The following ATP10B variants were observed in gnomAD, a reference collection of about 807,000 sequenced individuals.
ATP10B encodes phospholipid-transporting ATPase VB.
ATP10B carries 122 observed loss-of-function variants against 141.2 expected under a neutral mutation model. The observed-to-expected ratio is 0.86, with a 90% CI of 0.75 to 1.00. ATP10B has a LOEUF of 1.00. Ranked by LOEUF, ATP10B falls within the 50% of genes least tolerant of loss-of-function variation. The pLI, the probability that ATP10B is intolerant of heterozygous loss-of-function variation, is 0.00. For missense variants in ATP10B, 1,876 were observed against 1,825.3 expected (o/e 1.03, Z -0.51); for synonymous variants, 685 against 692.0 (o/e 0.99, Z 0.16).
At position 160,726,132 on chromosome 5, in the gene ATP10B, C is replaced by T. The variant is rs528130127; in HGVS notation, c.-330-9098G>A. On this transcript the variant is annotated intron_variant, in intron 2 of 25. Coordinates refer to ENST00000327245, the MANE Select transcript of ATP10B (RefSeq NM_025153.3). ...GCCTAACTCAGGGTGGTGCAAGTTCCATGGCCTCACTAAGACGTTGCTTCA... is the reference window on the plus strand; with the variant it reads ...GCCTAACTCAGGGTGGTGCAAGTTCTATGGCCTCACTAAGACGTTGCTTCA... Among the ~76,000 whole-genome samples, 18 of 152,218 alleles carry T rather than the reference C, an allele frequency of 1.2e-4. 1 individual carries two copies. In the South Asian group the frequency reaches 3.7e-3, roughly 32 times the overall value.
intron 2 of ATP10B, among the ~76,000 whole-genome samples, chr5:160,761,678 C>T (rs568438976): frequency 5.3e-5 from 8 of 152,208 alleles, no homozygotes; most frequent in East Asian, 1.9e-4. Context: ...AACAAGTTTC[C>T]GTAACACTCC....
intron 23 of ATP10B, 42 bp from the exon 24 acceptor site, chr5:160,589,738 G>T: frequency 6.8e-7 from 1 of 1,480,204 alleles, no homozygotes; most frequent in Non-Finnish European, 9.4e-7. Context: ...GTATGTCTGT[G>T]GACTAACTTT....
intron 8 of ATP10B, among the ~76,000 whole-genome samples, chr5:160,647,308 C>G (rs746118397): frequency 5.3e-5 from 8 of 152,104 alleles, no homozygotes; most frequent in Admixed American, 6.5e-5. Flanking sequence ...GGTGCCAGGC[C>G]TGAGGGTGTT....
intron 6 of ATP10B, among the ~76,000 whole-genome samples, chr5:160,680,078 C>T (rs1216622269): frequency 6.6e-6 from 1 of 152,104 alleles, no homozygotes; most frequent in East Asian, 1.9e-4. Context: ...GTCAACAAGG[C>T]TTCTGCTGTT....
At chr5:160,679,711 A>C (rs1239369107) in intron 6 of ATP10B, among the ~76,000 whole-genome samples, 2 of 152,360 alleles carry the variant, frequency 1.3e-5, no homozygotes, top group East Asian at 3.9e-4. Flanking sequence ...CTAAGTCTTG[A>C]ATTAAAATTT....
intron 7 of ATP10B, among the ~76,000 whole-genome samples, chr5:160,658,123 T>A (rs1761635562): frequency 6.6e-6 from 1 of 152,224 alleles, no homozygotes; most frequent in Admixed American, 6.5e-5. Context: ...ATGATCACAA[T>A]GTGTCACCTC....
At chr5:160,818,900 CA>C (rs1485447106) in intron 1 of ATP10B, among the ~76,000 whole-genome samples, 1 of 151,926 alleles carries the variant, frequency 6.6e-6, no homozygotes, top group Non-Finnish European at 1.5e-5. Context: ...ATTTCAAGGA[CA>C]AAAAACCAAA....
chr5:160,612,364 C>G (rs557398650), intron 18 of ATP10B: 1 of 162,186 alleles, frequency 6.2e-6, no homozygotes, highest in African/African-American at 2.4e-5. Flanking sequence ...TAGCTCAGTT[C>G]TAGACTTAGT....
the ATP10B span, among the ~76,000 whole-genome samples, chr5:160,870,988 C>A: frequency 6.6e-6 from 1 of 152,094 alleles, no homozygotes; most frequent in Non-Finnish European, 1.5e-5. Context: ...AATTATTCTT[C>A]AAAAATACAG....
chr5:160,858,613 A>AT, the ATP10B span, among the ~76,000 whole-genome samples: 2 of 151,920 alleles, frequency 1.3e-5, no homozygotes, highest in South Asian at 2.1e-4. Context: ...TAATGTGATT[A>AT]TTAATATGTT....
chr5:160,763,079 A>C (rs1225669696), intron 2 of ATP10B, among the ~76,000 whole-genome samples: 1 of 152,122 alleles, frequency 6.6e-6, no homozygotes, highest in African/African-American at 2.4e-5. Flanking sequence ...CTACTACTAG[A>C]CCTAAGAAAT....
the ATP10B span, among the ~76,000 whole-genome samples, chr5:160,896,840 C>T: frequency 2.6e-5 from 4 of 152,186 alleles, no homozygotes; most frequent in Admixed American, 1.3e-4. Context: ...AAAGCTTATT[C>T]ACCACGATCA....
chr5:160,573,369 G>A (rs1242716088), intron 24 of ATP10B, among the ~76,000 whole-genome samples: 1 of 152,196 alleles, frequency 6.6e-6, no homozygotes, highest in Non-Finnish European at 1.5e-5. Context: ...AAGCCACCCA[G>A]TCTATGGTAT....
intron 2 of ATP10B, among the ~76,000 whole-genome samples, chr5:160,757,752 A>G (rs1418864803): frequency 6.6e-6 from 1 of 152,192 alleles, no homozygotes; most frequent in Non-Finnish European, 1.5e-5. Context: ...GAGACATCTA[A>G]GGGCTAATGC....
At chr5:160,618,192 C>CA (rs1212152940) in intron 15 of ATP10B, among the ~76,000 whole-genome samples, 2 of 152,206 alleles carry the variant, frequency 1.3e-5, no homozygotes, top group Admixed American at 6.5e-5. Context: ...ATCTTTTCAT[C>CA]AAAAGCCTGG....
At chr5:160,791,547 A>G (rs776660640) in intron 1 of ATP10B, among the ~76,000 whole-genome samples, 12 of 152,250 alleles carry the variant, frequency 7.9e-5, no homozygotes, top group Non-Finnish European at 1.0e-4. Flanking sequence ...ACCAGGAAAG[A>G]AGGATGATTC....
intron 22 of ATP10B, among the ~76,000 whole-genome samples, chr5:160,594,939 T>C (rs1158167953): frequency 1.3e-5 from 2 of 152,170 alleles, no homozygotes; most frequent in Non-Finnish European, 2.9e-5. Flanking sequence ...CGCACAATAA[T>C]AGTGGGAGAC....
Position 160,688,046 on chromosome 5 carries a change from T to C in ATP10B, c.29A>G (p.His10Arg), listed in dbSNP as rs1054031734. 6.2e-7 allele frequency: 1 copy of C among 1,613,484 alleles called. No homozygotes were observed. The highest frequency in any genetic ancestry group is 1.7e-5 in the Admixed American group (1 of 60,006). ...ATCTCTGACTCTCCACTGCCACCGA[T>C]GCCACGATGAGTCCACTGAGAGGGC... MALSVDSSW[H>R]RWQWRVRDGF... is the part of the protein sequence containing the mutation. The change falls in exon 5 of 26, where the codon CAT becomes CGT. Residue 10 changes from histidine to arginine, a missense_variant. By Grantham distance (29) the His-to-Arg change is conservative. Transcript: ENST00000327245.
chr5:160,925,535 T>A, the ATP10B span, among the ~76,000 whole-genome samples: 1 of 152,326 alleles, frequency 6.6e-6, no homozygotes. Flanking sequence ...TGTGATAAAT[T>A]GCCTCTTGCA....
Sources: allele counts gnomAD v4.1 joint callset (sites outside exome capture counted in the v4.1 genomes callset), GRCh38; gene constraint gnomAD v4.1.1; transcripts MANE v1.5; gene names NCBI Gene and HGNC (gene_info 2026-07-23, HGNC 2026-07-21).